The following SLC4A4 variants were observed in gnomAD, a reference collection of about 807,000 sequenced individuals.
The protein encoded by SLC4A4 is electrogenic sodium bicarbonate cotransporter 1.
SLC4A4 carries 27 observed loss-of-function variants against 111.5 expected under a neutral mutation model. The observed-to-expected ratio is 0.24, with a 90% CI of 0.18 to 0.33. The LOEUF is 0.33. SLC4A4 is among the 10% of genes least tolerant of loss of function. SLC4A4 has a pLI of 1.00. For missense variants in SLC4A4, 909 were observed against 1,315.5 expected (o/e 0.69, Z 4.78); for synonymous variants, 443 against 463.4 (o/e 0.96, Z 0.57).
intron 2 of SLC4A4, among the ~76,000 whole-genome samples, chr4:71,159,012 T>A (rs1174156504): frequency 2.0e-5 from 3 of 152,210 alleles, no homozygotes; most frequent in African/African-American, 7.2e-5. Context: ...AAATATATGT[T>A]GTTTATTAAA....
At chr4:71,397,712 G>T in intron 7 of SLC4A4, 59 bp downstream of exon 7, 2 of 1,436,570 alleles carry the variant, frequency 1.4e-6, no homozygotes, top group South Asian at 1.1e-5. Context: ...AAAAGATGCT[G>T]AGAAAGGATT....
At chr4:71,138,635 T>C (rs1743908344) in intron 2 of SLC4A4, among the ~76,000 whole-genome samples, 1 of 152,356 alleles carries the variant, frequency 6.6e-6, no homozygotes, top group South Asian at 2.1e-4. Context: ...ACTGACTGTA[T>C]GCTTCCACCT....
intron 3 of SLC4A4, among the ~76,000 whole-genome samples, chr4:71,262,805 C>T (rs889773349): frequency 7.2e-5 from 11 of 151,726 alleles, no homozygotes; most frequent in South Asian, 2.1e-4. Flanking sequence ...CCTTTCCCCC[C>T]GGGTGTCATT....
chr4:71,248,738 A>G (rs1720856252), intron 2 of SLC4A4, among the ~76,000 whole-genome samples: 1 of 152,226 alleles, frequency 6.6e-6, no homozygotes, highest in Non-Finnish European at 1.5e-5. Context: ...CAGACTTTAT[A>G]GAGTGCCAGT....
At chr4:71,197,981 TA>T (rs1746082493) in intron 1 of SLC4A4, among the ~76,000 whole-genome samples, 1 of 152,234 alleles carries the variant, frequency 6.6e-6, no homozygotes, top group Admixed American at 6.5e-5. Context: ...TCAAATCATT[TA>T]AAAAATATTT....
chr4:71,397,492 C>T (rs1475156846), intron 6 of SLC4A4, 85 bp from the exon 7 acceptor site: 2 of 1,134,520 alleles, frequency 1.8e-6, no homozygotes, highest in African/African-American at 3.0e-5. Context: ...CCATCATCAT[C>T]TACTAATGTT....
At chr4:71,075,851 C>T (rs1741798674) in intron 1 of SLC4A4, among the ~76,000 whole-genome samples, 1 of 151,866 alleles carries the variant, frequency 6.6e-6, no homozygotes. Flanking sequence ...GTAGTCCCAG[C>T]TACTCGGGAG....
intron 13 of SLC4A4, among the ~76,000 whole-genome samples, chr4:71,470,706 C>A (rs970329172): frequency 6.6e-6 from 1 of 151,928 alleles, no homozygotes; most frequent in Non-Finnish European, 1.5e-5. Context: ...TTGGCTCATG[C>A]AATTATAGAG....
At chr4:71,411,593 A>G (rs1010948344) in intron 7 of SLC4A4, among the ~76,000 whole-genome samples, 6 of 152,170 alleles carry the variant, frequency 3.9e-5, no homozygotes, top group African/African-American at 9.7e-5. Context: ...TTGCTTTTGT[A>G]TGGCTTGCAA....
chr4:71,319,316 A>G (rs1290030584), intron 3 of SLC4A4, among the ~76,000 whole-genome samples: 2 of 151,856 alleles, frequency 1.3e-5, no homozygotes, highest in African/African-American at 2.4e-5. Flanking sequence ...TTTCAGGTTT[A>G]CTTAGGTCTC....
At chr4:71,517,157 G>A (rs1286708210) in intron 16 of SLC4A4, among the ~76,000 whole-genome samples, 4 of 151,874 alleles carry the variant, frequency 2.6e-5, no homozygotes, top group Admixed American at 2.6e-4. Context: ...AATATTTTCT[G>A]CTATTATTTC....
chr4:71,223,139 C>A (rs1227344059), intron 1 of SLC4A4, among the ~76,000 whole-genome samples: 2 of 151,632 alleles, frequency 1.3e-5, no homozygotes, highest in African/African-American at 4.8e-5. Context: ...TCCCAGGTTC[C>A]TAGAGTTTTT....
intron 2 of SLC4A4, among the ~76,000 whole-genome samples, chr4:71,097,362 T>C (rs1021745780): frequency 2.0e-5 from 3 of 152,206 alleles, no homozygotes; most frequent in Admixed American, 6.5e-5. Context: ...ATCTCGTTCT[T>C]TTCTGTTGCT....
intron 6 of SLC4A4, among the ~76,000 whole-genome samples, chr4:71,395,949 G>T (rs1463201839): frequency 2.0e-5 from 3 of 152,150 alleles, no homozygotes; most frequent in Non-Finnish European, 4.4e-5. Flanking sequence ...CTTTTACTCA[G>T]TTAGTCCAAA....
intron 16 of SLC4A4, among the ~76,000 whole-genome samples, chr4:71,525,801 C>T (rs1020770378): frequency 2.6e-5 from 4 of 151,992 alleles, no homozygotes; most frequent in African/African-American, 7.2e-5. Flanking sequence ...AATTTGATAT[C>T]TTTATTGATA....
At chr4:71,552,405 AT>A (rs1206306367) in intron 20 of SLC4A4, among the ~76,000 whole-genome samples, 1 of 151,712 alleles carries the variant, frequency 6.6e-6, no homozygotes, top group African/African-American at 2.4e-5. Flanking sequence ...AGTGACGATT[AT>A]TCTGCTAGAA....
chr4:71,327,589 T>A (rs1321110604), intron 3 of SLC4A4, among the ~76,000 whole-genome samples: 2 of 152,072 alleles, frequency 1.3e-5, no homozygotes, highest in African/African-American at 4.8e-5. Context: ...TTTAACACAT[T>A]TCCTGGGATA....
At position 71,456,065 on chromosome 4, in the gene SLC4A4, A is replaced by G. The variant is rs1181037198; in HGVS notation, c.1497+2396A>G. 2.0e-5 allele frequency among the ~76,000 whole-genome samples: 3 copies of G among 152,196 alleles called. No individual in the cohort carries two copies. In the East Asian group the frequency reaches 5.8e-4, roughly 29 times the overall value. On this transcript the variant is annotated intron_variant, in intron 12 of 25. Transcript: ENST00000264485. ...GGATGTTAAGTAGTCCACTAAAATA[A>G]CCATTTGCTGGATGTGACTCCTAAG...
intron 3 of SLC4A4, among the ~76,000 whole-genome samples, chr4:71,300,055 A>C (rs759176957): frequency 6.6e-6 from 1 of 152,146 alleles, no homozygotes; most frequent in Non-Finnish European, 1.5e-5. Flanking sequence ...TCCTTAATCA[A>C]ACCCATTTTT....
Sources: gnomAD v4.1 joint callset for allele counts (sites outside exome capture counted in the v4.1 genomes callset) on GRCh38, gnomAD v4.1.1 for gene constraint, MANE v1.5 for transcripts, NCBI Gene and HGNC (gene_info 2026-07-23, HGNC 2026-07-21) for gene names.